POU1F1: variants seen among roughly 807,000 people sequenced by gnomAD.
POU1F1 encodes the protein POU class 1 homeobox 1, also known as pituitary-specific positive transcription factor 1.
Under a neutral mutation model 32.3 loss-of-function variants are expected in POU1F1, and 23 were observed. The ratio of observed to expected loss-of-function variants is 0.71; its 90% CI spans 0.51 to 1.01. POU1F1 has a LOEUF of 1.01. Ranked by LOEUF, POU1F1 falls within the 50% of genes least tolerant of loss-of-function variation. The pLI, the probability that POU1F1 is intolerant of heterozygous loss-of-function variation, is 0.00. For missense variants in POU1F1, 323 were observed against 341.6 expected, an observed-to-expected ratio of 0.95 and a Z score of 0.43; for synonymous variants, 120 against 115.6, an observed-to-expected ratio of 1.04 and a Z score of -0.25.
At chr3:87,262,312 G>T in intron 3 of POU1F1, 77 bp from the exon 4 acceptor site, 1 of 1,512,054 alleles carries the variant, frequency 6.6e-7, no homozygotes, top group East Asian at 2.3e-5. Flanking sequence ...ACACAAATCT[G>T]TGTATCTTTG....
chr3:87,262,739 A>G (rs951689479), intron 3 of POU1F1, among the ~76,000 whole-genome samples: 3 of 152,130 alleles, frequency 2.0e-5, no homozygotes, highest in Non-Finnish European at 4.4e-5. Context: ...CCCTAAAACC[A>G]TATTTATTAA....
rs1163903951 is a variant in POU1F1, at chr3:87,275,515, A to G, written c.142+806T>C. Among the ~76,000 whole-genome samples, 3 of 152,194 alleles carry G rather than the reference A, an allele frequency of 2.0e-5. No homozygotes were observed. In the East Asian group the frequency reaches 5.8e-4, roughly 29 times the overall value. On this transcript the variant is annotated intron_variant, in intron 1 of 5. Transcript: ENST00000350375. ...AAAGTGAATATTATATTGCTATTCA[A>G]TGGAAGAAATTTACCCAATTCAAGT...
intron 2 of POU1F1, among the ~76,000 whole-genome samples, chr3:87,266,366 TATA>T (rs1381147517): frequency 1.4e-5 from 2 of 147,280 alleles, no homozygotes; most frequent in African/African-American, 4.9e-5. Context: ...ATTATAAATA[TATA>T]ATTATAAATT....
chr3:87,260,124 G>A lies in POU1F1; in HGVS notation c.666-20C>T. ...GCAATGCTGGCGGGGGGTGGACATA[G>A]GGGGTGAAATTTTGTTGTTTTTAGT... On this transcript the variant is annotated intron_variant, in intron 5 of 5. Transcript: ENST00000350375. 1.2e-6 allele frequency: 2 copies of A among 1,603,078 alleles called. No individual in the cohort carries two copies. Among genetic ancestry groups the A allele is most frequent in the Non-Finnish European group, 1.7e-6 (2 of 1,172,864 alleles).
chr3:87,264,631 A>G, intron 2 of POU1F1, 119 bp from the exon 3 acceptor site: 1 of 777,046 alleles, frequency 1.3e-6, no homozygotes, highest in Non-Finnish European at 2.2e-6. Context: ...CTCAGTACTT[A>G]CAAGGTTACC....
chr3:87,266,249 T>C (rs994110658), intron 2 of POU1F1, among the ~76,000 whole-genome samples: 2 of 146,884 alleles, frequency 1.4e-5, no homozygotes, highest in African/African-American at 4.9e-5. Flanking sequence ...ATATAAAATT[T>C]ATATTTTATA....
intron 2 of POU1F1, 149 bp downstream of exon 2, chr3:87,273,198 A>G (rs1254320743): frequency 2.4e-6 from 2 of 848,414 alleles, no homozygotes; most frequent in African/African-American, 3.4e-5. Context: ...GTCACAGAGC[A>G]GGAAACAAGA....
chr3:87,271,619 A>C (rs1706721442), intron 2 of POU1F1, among the ~76,000 whole-genome samples: 2 of 152,130 alleles, frequency 1.3e-5, no homozygotes, highest in Non-Finnish European at 2.9e-5. Flanking sequence ...AAATGCTGTA[A>C]AGGCCACAGA....
chr3:87,260,862 ATTATTTTTTTTTTATTTAT>A (rs1202998716), intron 5 of POU1F1, among the ~76,000 whole-genome samples: 2 of 142,264 alleles, frequency 1.4e-5, no homozygotes, highest in African/African-American at 5.2e-5. Context: ...TTACATTATT[ATTATTTTTTTTTTATTTAT>A]TTATTTATTT....
At chr3:87,271,656 C>T (rs1353058839) in intron 2 of POU1F1, among the ~76,000 whole-genome samples, 2 of 152,164 alleles carry the variant, frequency 1.3e-5, no homozygotes, top group Non-Finnish European at 2.9e-5. Context: ...CCTCCAGTAG[C>T]TAAACGCATT....
At chr3:87,267,283 TC>T (rs1272314760) in intron 2 of POU1F1, among the ~76,000 whole-genome samples, 1 of 152,116 alleles carries the variant, frequency 6.6e-6, no homozygotes, top group African/African-American at 2.4e-5. Context: ...TATATATTTT[TC>T]CCCATAATTT....
chr3:87,262,924 A>G (rs2106928870), intron 3 of POU1F1, among the ~76,000 whole-genome samples: 1 of 152,284 alleles, frequency 6.6e-6, no homozygotes, highest in Admixed American at 6.5e-5. Flanking sequence ...ACTGAAAATG[A>G]ATTTCACAAA....
In POU1F1 at chr3:87,273,418, G is replaced by C; in HGVS notation, c.143C>G (p.Ala48Gly). 6.2e-7 allele frequency: 1 copy of C among 1,611,782 alleles called. No individual in the cohort carries two copies. Among genetic ancestry groups the C allele is most frequent in the Non-Finnish European group, 8.5e-7 (1 of 1,178,422 alleles). Residue 48 changes from alanine (A) to glycine (G), a missense_variant and splice_region_variant, in exon 2 of 6, where the codon GCA (alanine) becomes GGA (glycine). Ala to Gly is a moderately conservative substitution (Grantham distance 60). Coordinates refer to ENST00000350375, the MANE Select transcript of POU1F1 (RefSeq NM_000306.4). Reference sequence around the variant, plus strand: ...AGGAACAGAATAATGAAGTCCTGTTGCTGTGTTTCCCAACGTTGTCACCGA... The same window carrying C: ...AGGAACAGAATAATGAAGTCCTGTTCCTGTGTTTCCCAACGTTGTCACCGA... ...SNHATNVMSTATGLHYSVPSC... is the reference protein window; with the variant it reads ...SNHATNVMSTGTGLHYSVPSC...
chr3:87,259,668 G>A lies in POU1F1; in HGVS notation c.*226C>T. The stretch of plus-strand genomic sequence containing the variant: ...TCATTTTATTACTGTTAATATATTT[G>A]GCTTAAAATAGATAATGTGGCTTCT... On this transcript the variant is annotated 3_prime_UTR_variant, in exon 6 of 6. Transcript: ENST00000350375. The A allele has an allele frequency of 1.9e-6, 1 of 520,474 alleles. No individual in the cohort carries two copies. Among genetic ancestry groups the A allele is most frequent in the East Asian group, 3.6e-5 (1 of 28,146 alleles). The allele number at this position is 520,474 out of a possible 1,614,324, so 32.2% of individuals were successfully genotyped here.
At chr3:87,266,727 G>A (rs1480295998) in intron 2 of POU1F1, among the ~76,000 whole-genome samples, 1 of 151,674 alleles carries the variant, frequency 6.6e-6, no homozygotes, top group African/African-American at 2.4e-5. Context: ...TATTGCCGTG[G>A]GGTTTATTTT....
At chr3:87,274,101 T>C (rs1706780773) in intron 1 of POU1F1, among the ~76,000 whole-genome samples, 1 of 152,138 alleles carries the variant, frequency 6.6e-6, no homozygotes, top group South Asian at 2.1e-4. Flanking sequence ...TATACACAAT[T>C]GATACAACCA....
At chr3:87,261,553 T>A (rs1376693415) in intron 4 of POU1F1, among the ~76,000 whole-genome samples, 1 of 152,194 alleles carries the variant, frequency 6.6e-6, no homozygotes, top group Non-Finnish European at 1.5e-5. Context: ...CTACAAATAA[T>A]ATCCTCACTT....
At chr3:87,273,595 A>AT (rs1325679578) in intron 1 of POU1F1, 177 bp from the exon 2 acceptor site, 1 of 1,255,076 alleles carries the variant, frequency 8.0e-7, no homozygotes, top group African/African-American at 1.5e-5. Flanking sequence ...TGTTTTTCTC[A>AT]TTTTGGGTAA....
At chr3:87,260,533 T>C (rs941685306) in intron 5 of POU1F1, among the ~76,000 whole-genome samples, 4 of 152,206 alleles carry the variant, frequency 2.6e-5, no homozygotes, top group Non-Finnish European at 4.4e-5. Flanking sequence ...TTGCTAAGCA[T>C]GTCTCACAGA....
Sources: allele counts gnomAD v4.1 joint callset (sites outside exome capture counted in the v4.1 genomes callset), GRCh38; gene constraint gnomAD v4.1.1; transcripts MANE v1.5; gene names NCBI Gene and HGNC (gene_info 2026-07-23, HGNC 2026-07-21).